TENM3: variants seen among roughly 807,000 people sequenced by gnomAD.
The protein encoded by TENM3 is teneurin-3.
In TENM3, 63 loss-of-function variants were observed where a neutral mutation model predicts 255.1. The observed-to-expected ratio is 0.25, with a 90% CI of 0.20 to 0.30. TENM3 has a LOEUF of 0.30. Ranked by LOEUF, TENM3 falls within the 10% of genes least tolerant of loss-of-function variation. The probability of loss-of-function intolerance (pLI) is 1.00; values close to 1 mark genes in which losing one functional copy is unlikely to be tolerated. For missense variants in TENM3, 2,929 were observed against 3,461.1 expected (o/e 0.85, Z 3.86); for synonymous variants, 1,306 against 1,322.3 (o/e 0.99, Z 0.27).
chr4:181,670,190 T>G, the TENM3 span, among the ~76,000 whole-genome samples: 1 of 152,184 alleles, frequency 6.6e-6, no homozygotes, highest in Non-Finnish European at 1.5e-5. Flanking sequence ...CATTTCATAA[T>G]TTTTAATTAA....
chr4:181,945,532 C>G, the TENM3 span, among the ~76,000 whole-genome samples: 1 of 151,912 alleles, frequency 6.6e-6, no homozygotes, highest in Non-Finnish European at 1.5e-5. Flanking sequence ...GATTGCCTGC[C>G]CGAGACTTCT....
chr4:182,367,127 T>A (rs10000045), intron 3 of TENM3, among the ~76,000 whole-genome samples: 1 of 145,956 alleles, frequency 6.9e-6, no homozygotes, highest in African/African-American at 2.7e-5. Context: ...GAAAAGACTT[T>A]ACAGAATTTA....
the TENM3 span, among the ~76,000 whole-genome samples, chr4:182,029,059 T>C: frequency 6.6e-6 from 1 of 152,168 alleles, no homozygotes; most frequent in Admixed American, 6.5e-5. Context: ...AGCACTTTAA[T>C]TGGCTCACAA....
the TENM3 span, among the ~76,000 whole-genome samples, chr4:181,746,323 C>A: frequency 5.1e-4 from 78 of 152,096 alleles, no homozygotes; most frequent in Non-Finnish European, 7.4e-4. Flanking sequence ...AGAGGCCAGG[C>A]TATTGAAAGG....
chr4:182,070,814 C>A, the TENM3 span, among the ~76,000 whole-genome samples: 1 of 152,200 alleles, frequency 6.6e-6, no homozygotes, highest in South Asian at 2.1e-4. Context: ...GACAGAGGTA[C>A]AGATATTCCA....
chr4:182,571,386 C>T (rs1210784122), intron 3 of TENM3, among the ~76,000 whole-genome samples: 1 of 152,108 alleles, frequency 6.6e-6, no homozygotes. Flanking sequence ...ATTAGCTGGG[C>T]ATGGTGACAT....
At chr4:182,373,523 G>A (rs1190416845) in intron 3 of TENM3, among the ~76,000 whole-genome samples, 2 of 152,108 alleles carry the variant, frequency 1.3e-5, no homozygotes, top group Non-Finnish European at 2.9e-5. Context: ...GAAAGGAGGA[G>A]GTACTGGGCT....
the TENM3 span, among the ~76,000 whole-genome samples, chr4:181,515,495 T>C: frequency 6.6e-6 from 1 of 152,008 alleles, no homozygotes; most frequent in Non-Finnish European, 1.5e-5. Context: ...TTTCCTGTTT[T>C]CTGCTTGCTG....
chr4:182,007,349 T>C, the TENM3 span, among the ~76,000 whole-genome samples: 2 of 152,182 alleles, frequency 1.3e-5, no homozygotes, highest in African/African-American at 4.8e-5. Context: ...TATTATTATG[T>C]GGGAGTCTAA....
the TENM3 span, among the ~76,000 whole-genome samples, chr4:181,978,248 A>G: frequency 6.6e-6 from 1 of 152,250 alleles, no homozygotes; most frequent in Non-Finnish European, 1.5e-5. Context: ...ACCGAGGCAC[A>G]GAGAAACCCA....
chr4:181,831,326 A>C, the TENM3 span, among the ~76,000 whole-genome samples: 1 of 152,244 alleles, frequency 6.6e-6, no homozygotes, highest in African/African-American at 2.4e-5. Context: ...TGTCATCTGC[A>C]TGTATTATTC....
chr4:182,545,593 C>T (rs1052713831), intron 3 of TENM3, among the ~76,000 whole-genome samples: 3 of 152,022 alleles, frequency 2.0e-5, no homozygotes, highest in African/African-American at 7.2e-5. Flanking sequence ...TTTCCTCTGC[C>T]CTTGGGCCTT....
intron 3 of TENM3, among the ~76,000 whole-genome samples, chr4:182,522,616 G>A (rs1396614469): frequency 6.6e-6 from 1 of 152,018 alleles, no homozygotes; most frequent in Admixed American, 6.6e-5. Context: ...TAAGTTCTAG[G>A]ATACATGTGT....
At chr4:182,197,843 G>A (rs539049053) in intron 1 of TENM3, among the ~76,000 whole-genome samples, 3 of 152,312 alleles carry the variant, frequency 2.0e-5, no homozygotes, top group Admixed American at 1.3e-4. Flanking sequence ...AGTGGCTCAC[G>A]CCTGTAATCC....
At chr4:182,471,627 CTG>C (rs35316767) in intron 3 of TENM3, among the ~76,000 whole-genome samples, 46,648 of 149,498 alleles carry the variant, frequency 0.31, 8,552 homozygotes, top group East Asian at 0.47. Context: ...GCACATGCCT[CTG>C]TGTGTGTGTG....
At chr4:181,889,674 C>T in the TENM3 span, among the ~76,000 whole-genome samples, 2 of 152,258 alleles carry the variant, frequency 1.3e-5, no homozygotes, top group Admixed American at 1.3e-4. Context: ...TTGCTTTGAA[C>T]AGCAAAGATA....
At chr4:181,626,562 A>G in the TENM3 span, among the ~76,000 whole-genome samples, 1 of 151,880 alleles carries the variant, frequency 6.6e-6, no homozygotes, top group Non-Finnish European at 1.5e-5. Context: ...GAGCACAGCA[A>G]GGGGGCGGGG....
chr4:182,427,320 G>A (rs1376158884), intron 3 of TENM3, among the ~76,000 whole-genome samples: 1 of 152,106 alleles, frequency 6.6e-6, no homozygotes, highest in Non-Finnish European at 1.5e-5. Context: ...AGAATACAGA[G>A]GGAAAACTTT....
the TENM3 span, among the ~76,000 whole-genome samples, chr4:181,583,000 A>G: frequency 6.6e-5 from 10 of 152,338 alleles, no homozygotes; most frequent in South Asian, 2.1e-4. Context: ...ATATAAATGG[A>G]CCTACCCACA....
Sources: allele counts gnomAD v4.1 joint callset (sites outside exome capture counted in the v4.1 genomes callset), GRCh38; gene constraint gnomAD v4.1.1; transcripts MANE v1.5; gene names NCBI Gene and HGNC (gene_info 2026-07-23, HGNC 2026-07-21).